Variants in MGST1 observed in about 807,000 individuals in gnomAD.
The protein encoded by MGST1 is glutathione S-transferase 12.
MGST1 carries 5 observed loss-of-function variants against 8.9 expected under a neutral mutation model. That is an observed-to-expected ratio of 0.56 (90% CI 0.29 to 1.19). The LOEUF is 1.19. Among genes scored for constraint, MGST1 ranks in the 50% most tolerant of loss-of-function variants. MGST1 has a pLI of 0.08. For synonymous variants in MGST1, 54 were observed against 67.8 expected (o/e 0.80, Z 1.00); for missense variants, 182 against 187.4 (o/e 0.97, Z 0.17).
At chr12:16,394,014 A>T (rs1434610726) in intron 1 of MGST1, among the ~76,000 whole-genome samples, 1 of 152,242 alleles carries the variant, frequency 6.6e-6, no homozygotes, top group Non-Finnish European at 1.5e-5. Flanking sequence ...CTAACATAAA[A>T]TCTATTCTCT....
intron 4 of MGST1, among the ~76,000 whole-genome samples, chr12:16,485,226 C>G (rs1030527185): frequency 2.0e-5 from 3 of 152,212 alleles, no homozygotes; most frequent in Admixed American, 2.0e-4. Flanking sequence ...GCAGGTTCAT[C>G]ATCTTCTACT....
intron 1 of MGST1, among the ~76,000 whole-genome samples, chr12:16,395,863 C>A (rs974407876): frequency 6.7e-6 from 1 of 149,576 alleles, no homozygotes; most frequent in Non-Finnish European, 1.5e-5. Flanking sequence ...TGATGAGCAT[C>A]TGGGCTGGTT....
chr12:16,435,984 G>A (rs1270099403), intron 1 of MGST1, among the ~76,000 whole-genome samples: 1 of 97,892 alleles, frequency 1.0e-5, no homozygotes, highest in African/African-American at 4.1e-5. Flanking sequence ...TTTCCACCCT[G>A]CTGCAAATAC....
chr12:16,443,574 A>G (rs1183040718), downstream of MGST1, among the ~76,000 whole-genome samples: 1 of 151,806 alleles, frequency 6.6e-6, no homozygotes, highest in African/African-American at 2.4e-5. Context: ...TTAAATTAGT[A>G]TTTTTACAAC....
At chr12:16,487,379 T>C (rs1305842627) in intron 4 of MGST1, among the ~76,000 whole-genome samples, 1 of 152,156 alleles carries the variant, frequency 6.6e-6, no homozygotes, top group Admixed American at 6.5e-5. Flanking sequence ...CAATCTTACA[T>C]AAATTCTTCC....
chr12:16,445,176 G>A (rs1403807782), intron 4 of MGST1, among the ~76,000 whole-genome samples: 1 of 151,516 alleles, frequency 6.6e-6, no homozygotes, highest in Non-Finnish European at 1.5e-5. Flanking sequence ...TACTATATTA[G>A]GCCAGAGCAA....
Position 16,363,861 on chromosome 12 carries a change from T to A in MGST1, c.288T>A (p.Ser96Arg). The A allele has an allele frequency of 6.2e-7, 1 of 1,613,582 alleles. No homozygotes were observed. Among genetic ancestry groups the A allele is most frequent in the Non-Finnish European group, 8.5e-7 (1 of 1,179,620 alleles). Residue 96 changes from serine to arginine, a missense_variant, in exon 4 of 4, where the codon AGT becomes AGA. By Grantham distance (110) the Ser-to-Arg change is moderately radical. Coordinates refer to ENST00000396210, the MANE Select transcript of MGST1 (RefSeq NM_020300.5). The surrounding 1 kb of genome is among the most constrained non-coding windows in gnomAD (Gnocchi z 4.6). ...FLGIGLLYSL[S>R]GPDPSTAILH... ...GAATTGGCCTCCTGTATTCCTTGAG[T>A]GGTCCCGACCCCTCTACAGCCATCC... is the stretch of plus-strand genomic sequence containing the variant.
intron 4 of MGST1, among the ~76,000 whole-genome samples, chr12:16,471,775 A>T (rs1235677698): frequency 2.0e-5 from 3 of 152,220 alleles, no homozygotes; most frequent in African/African-American, 7.2e-5. Flanking sequence ...ATGTAGGCCT[A>T]CAAATTTTTA....
downstream of MGST1, among the ~76,000 whole-genome samples, chr12:16,365,748 C>CAT (rs1555096036): frequency 1.4e-3 from 158 of 112,880 alleles, no homozygotes; most frequent in African/African-American, 6.0e-3. Flanking sequence ...CACGCGCACA[C>CAT]ACACACACAC....
chr12:16,406,461 C>G lies in MGST1; in HGVS notation n.778+22857C>G, dbSNP rs146624963. 1.1e-4 allele frequency among the ~76,000 whole-genome samples: 17 copies of G among 152,270 alleles called. No homozygotes were observed. The East Asian group carries it at 2.7e-3, about 24-fold the overall frequency. On this transcript the variant is annotated intron_variant and non_coding_transcript_variant, in intron 1 of 1. Transcript: ENST00000359720. ...TTCCATTCTCATGGATAGGAAGAATCAATATCATTAAAATGACCATAATGC... is the reference window on the plus strand; with the variant it reads ...TTCCATTCTCATGGATAGGAAGAATGAATATCATTAAAATGACCATAATGC...
intron 1 of MGST1, among the ~76,000 whole-genome samples, chr12:16,420,811 G>C (rs1270995800): frequency 3.3e-5 from 5 of 152,178 alleles, no homozygotes; most frequent in African/African-American, 1.2e-4. Flanking sequence ...AGGCTTCTTA[G>C]CAGGTGAGGG....
At position 16,414,605 on chromosome 12, in the gene MGST1, C is replaced by T. The variant is rs937314146; in HGVS notation, n.779-22783C>T. Among the ~76,000 whole-genome samples, 5 of 151,404 alleles carry T rather than the reference C, an allele frequency of 3.3e-5. No homozygotes were observed. In the South Asian group the frequency reaches 8.3e-4, roughly 25 times the overall value. On this transcript the variant is annotated intron_variant and non_coding_transcript_variant, in intron 1 of 1. Transcript: ENST00000359720. Reference sequence around the variant, plus strand: ...TAATATTTTGTATTTTTAGTAGAGACGGGGTTTCATCATGTTAGCCAGGAT... The same window carrying T: ...TAATATTTTGTATTTTTAGTAGAGATGGGGTTTCATCATGTTAGCCAGGAT...
At chr12:16,408,273 A>G (rs1201348461) in intron 1 of MGST1, among the ~76,000 whole-genome samples, 1 of 152,100 alleles carries the variant, frequency 6.6e-6, no homozygotes, top group African/African-American at 2.4e-5. Flanking sequence ...ACTTTTGGGT[A>G]TTAGACTTAG....
Position 16,513,848 on chromosome 12 carries a change from T to C in MGST1, n.483-75680T>C, listed in dbSNP as rs944339239. The stretch of plus-strand genomic sequence containing the variant: ...TTTCTTAAGTTCAGCCAAGATGTCT[T>C]TCTGCCCAAACCAACCTGGGGAAGT... On this transcript the variant is annotated intron_variant and non_coding_transcript_variant, in intron 4 of 4. Coordinates refer to the MGST1 transcript ENST00000538857. This position sits in a 1 kb window ranked among gnomAD's most constrained non-coding sequence, Gnocchi z 4.2. 7 of 611,208 alleles carry C rather than the reference T, an allele frequency of 1.1e-5. No individual in the cohort carries two copies. Among genetic ancestry groups the C allele is most frequent in the African/African-American group, 1.1e-4 (6 of 54,190 alleles). The allele number at this position is 611,208 out of a possible 1,614,324, so 37.9% of individuals were successfully genotyped here. A position where few individuals can be genotyped will look rare whatever the true frequency, so the allele number is the denominator to read the frequency against.
In MGST1 at chr12:16,551,279, G is replaced by A. The variant is rs773011104; in HGVS notation, n.483-38249G>A. 2.1e-5 allele frequency: 34 copies of A among 1,612,856 alleles called. No individual in the cohort carries two copies. The Admixed American group carries it at 5.5e-4, about 26-fold the overall frequency. ...TTAAACCTTCCTCGTAGTCCGTCTG[G>A]CAAAGGATCATGTTATTCTTTAGGA... is the stretch of plus-strand genomic sequence containing the variant. On this transcript the variant is annotated intron_variant and non_coding_transcript_variant, in intron 4 of 4. Coordinates refer to the MGST1 transcript ENST00000538857.
At chr12:16,457,119 C>T (rs1941179818) in intron 4 of MGST1, among the ~76,000 whole-genome samples, 1 of 151,918 alleles carries the variant, frequency 6.6e-6, no homozygotes, top group African/African-American at 2.4e-5. Context: ...CTGCATGGGT[C>T]TTCTCATATC....
downstream of MGST1, among the ~76,000 whole-genome samples, chr12:16,439,237 A>G (rs60338469): frequency 0.016 from 2,418 of 151,998 alleles, 74 homozygotes; most frequent in African/African-American, 0.055. Flanking sequence ...CATGGGCAAC[A>G]TTAAAAATGT....
At position 16,582,259 on chromosome 12, in the gene MGST1, T is replaced by C. The variant is rs1044152737; in HGVS notation, n.483-7269T>C. Among the ~76,000 whole-genome samples the C allele has an allele frequency of 6.6e-6, 1 of 152,224 alleles. No individual in the cohort carries two copies. Among genetic ancestry groups the C allele is most frequent in the African/African-American group, 2.4e-5 (1 of 41,462 alleles). On this transcript the variant is annotated intron_variant and non_coding_transcript_variant, in intron 4 of 4. Transcript: ENST00000538857. The surrounding 1 kb of genome is among the most constrained non-coding windows in gnomAD (Gnocchi z 4.1). ...TAACTATGGTGTTTCTTCCTCCAGT[T>C]TGATAATACAATGAATTAGATTGAG...
At chr12:16,489,168 A>T (rs988094318) in intron 4 of MGST1, among the ~76,000 whole-genome samples, 1 of 152,198 alleles carries the variant, frequency 6.6e-6, no homozygotes, top group Non-Finnish European at 1.5e-5. Flanking sequence ...GAACAAATAA[A>T]TGAGTCATTT....
Sources: gnomAD v4.1 joint callset for allele counts (sites outside exome capture counted in the v4.1 genomes callset) on GRCh38, gnomAD v4.1.1 for gene constraint, Gnocchi (gnomAD v3.1) non-coding constraint, MANE v1.5 for transcripts, NCBI Gene and HGNC (gene_info 2026-07-23, HGNC 2026-07-21) for gene names.